Variants in SI observed in about 807,000 individuals in gnomAD.
SI encodes sucrase-isomaltase, intestinal.
In SI, 235 loss-of-function variants were observed where a neutral mutation model predicts 253.3. The observed-to-expected ratio is 0.93, with a 90% CI of 0.83 to 1.03. The LOEUF is 1.03. Among genes scored for constraint, SI ranks in the 50% least tolerant of loss-of-function variants. The pLI is 0.00. For synonymous variants in SI, 819 were observed against 712.0 expected, an observed-to-expected ratio of 1.15 and a Z score of -2.39; for missense variants, 2,442 against 2,211.1, an observed-to-expected ratio of 1.10 and a Z score of -2.09.
In SI at chr3:165,064,376, C is replaced by T. The variant is rs536584812; in HGVS notation, c.808-835G>A. Reference sequence around the variant, plus strand: ...AGCTCTGACAGTCTCACTCTGGTGTCGATTATAGATAGTGATGCTGCAAAC... The same window carrying T: ...AGCTCTGACAGTCTCACTCTGGTGTTGATTATAGATAGTGATGCTGCAAAC... On this transcript the variant is annotated intron_variant, in intron 7 of 47. Transcript: ENST00000264382. Among the ~76,000 whole-genome samples, 4 of 151,930 alleles carry T rather than the reference C, an allele frequency of 2.6e-5. No individual in the cohort carries two copies. In the East Asian group the frequency reaches 7.8e-4, roughly 30 times the overall value.
chr3:165,053,911 C>T (rs1320850685), intron 13 of SI, among the ~76,000 whole-genome samples: 1 of 151,786 alleles, frequency 6.6e-6, no homozygotes, highest in Non-Finnish European at 1.5e-5. Context: ...TTTATTTCTA[C>T]CAATTGCTAG....
chr3:165,032,396 A>G, intron 24 of SI, 126 bp downstream of exon 24: 1 of 599,604 alleles, frequency 1.7e-6, no homozygotes, highest in Non-Finnish European at 2.9e-6. Flanking sequence ...GAAGGGAAGA[A>G]GGAAGCAACG....
chr3:165,023,263 T>A (rs1019439096), intron 26 of SI, among the ~76,000 whole-genome samples: 1 of 151,594 alleles, frequency 6.6e-6, no homozygotes, highest in East Asian at 1.9e-4. Context: ...ACAGTAGGCA[T>A]CCAATTTTGT....
chr3:165,079,609 T>G (rs938971628), upstream of SI, among the ~76,000 whole-genome samples: 1 of 151,586 alleles, frequency 6.6e-6, no homozygotes, highest in African/African-American at 2.4e-5. Context: ...AACTTTTGAG[T>G]GATTTACTCT....
intron 7 of SI, 26 bp from the exon 8 acceptor site, chr3:165,063,567 G>GT: frequency 1.3e-5 from 13 of 997,340 alleles, no homozygotes; most frequent in Middle Eastern, 2.1e-4. Context: ...TTGAAAATAC[G>GT]ATTTTCAAAT....
rs758259365 is a variant in SI at position 165,063,496 on chromosome 3, C to A, written c.853G>T (p.Glu285Ter). ...YGHQTFFMCI[E>*]DTSGKSFGVF... ...CCGAATGACTTTCCAGATGTATCTT[C>A]AATACACATAAAGAATGTTTGATGG... Residue 285 changes from glutamate (E) to a stop codon, truncating the protein, a stop_gained, in exon 8 of 48, where the codon GAA becomes TAA. Transcript: ENST00000264382. LOFTEE classifies it high-confidence loss of function. 8 of 1,565,266 alleles carry A rather than the reference C, an allele frequency of 5.1e-6. No homozygotes were observed. Among genetic ancestry groups the A allele is most frequent in the Middle Eastern group, 3.4e-4 (2 of 5,936 alleles).
At chr3:165,044,308 A>G (rs529865267) in intron 16 of SI, among the ~76,000 whole-genome samples, 4 of 152,124 alleles carry the variant, frequency 2.6e-5, no homozygotes, top group African/African-American at 7.2e-5. Flanking sequence ...TGGTGTACAT[A>G]CATAGGATTA....
rs148146744 is a variant in SI at position 165,052,059 on chromosome 3, A to G, written c.1513-2184T>C. Among the ~76,000 whole-genome samples, 16 of 152,142 alleles carry G rather than the reference A, an allele frequency of 1.1e-4. No individual in the cohort carries two copies. The East Asian group carries it at 2.9e-3, about 28-fold the overall frequency. On this transcript the variant is annotated intron_variant, in intron 13 of 47. Transcript: ENST00000264382. ...TATTTTACATAATACATGACATTTA[A>G]TATTTTAGTAACCTTCCTTAAATAT...
intron 25 of SI, among the ~76,000 whole-genome samples, chr3:165,027,689 A>C (rs2108196487): frequency 6.6e-6 from 1 of 151,630 alleles, no homozygotes; most frequent in East Asian, 1.9e-4. Flanking sequence ...ACACCACATA[A>C]ACAGAATTAA....
intron 25 of SI, among the ~76,000 whole-genome samples, chr3:165,026,106 G>T (rs189871107): frequency 6.6e-6 from 1 of 150,916 alleles, no homozygotes; most frequent in Non-Finnish European, 1.5e-5. Context: ...AACACATAAG[G>T]ACTCACACAA....
rs1403113031 is a variant in SI, at chr3:165,046,845, G to A, written c.1883C>T (p.Pro628Leu). Residue 628 changes from proline (P) to leucine (L), a missense_variant, in exon 16 of 48, where the codon CCT becomes CTT. Pro to Leu is a moderately conservative substitution (Grantham distance 98). Coordinates refer to ENST00000264382, the MANE Select transcript of SI (RefSeq NM_001041.4). ...CACTCTATGAAACTGTCTTACCAAA[G>A]GTATTCCAAACAAACTGAACTCCAG... Reference protein sequence around the residue: ...GMLEFSLFGIPLVGADICGFV... With the variant: ...GMLEFSLFGILLVGADICGFV... The A allele has an allele frequency of 1.2e-6, 2 of 1,611,450 alleles. No homozygotes were observed. Among genetic ancestry groups the A allele is most frequent in the Non-Finnish European group, 1.7e-6 (2 of 1,178,062 alleles).
chr3:165,082,861 G>A (rs1440734689), upstream of SI, among the ~76,000 whole-genome samples: 2 of 151,984 alleles, frequency 1.3e-5, no homozygotes, highest in Non-Finnish European at 2.9e-5. Flanking sequence ...GGGTCTCTTA[G>A]TAACAGGAAG....
intron 33 of SI, among the ~76,000 whole-genome samples, chr3:165,014,466 G>A (rs922696840): frequency 3.3e-5 from 5 of 152,018 alleles, no homozygotes; most frequent in African/African-American, 1.2e-4. Context: ...AGCCAGGATG[G>A]TCTCGATCTC....
At chr3:165,063,608 T>TA in intron 7 of SI, 67 bp from the exon 8 acceptor site, 1 of 725,392 alleles carries the variant, frequency 1.4e-6, no homozygotes, top group Non-Finnish European at 2.4e-6. Context: ...TTATATATTT[T>TA]ATATGCTCTT....
At chr3:164,997,981 G>A (rs1334250408) in intron 38 of SI, among the ~76,000 whole-genome samples, 1 of 151,602 alleles carries the variant, frequency 6.6e-6, no homozygotes, top group African/African-American at 2.4e-5. Flanking sequence ...GAATAGTGTT[G>A]TAATGAACCT....
Position 165,049,119 on chromosome 3 carries a change from G to T in SI, c.1715+8C>A, listed in dbSNP as rs373673328. 18 of 1,381,366 alleles carry T rather than the reference G, an allele frequency of 1.3e-5. No homozygotes were observed. Among genetic ancestry groups the T allele is most frequent in the Non-Finnish European group, 3.1e-6 (3 of 967,928 alleles). 85.6% of individuals were successfully genotyped at this position (1,381,366 alleles called of 1,614,324 possible). ...ATGAAAGAAGTCTTTGAATGAAATT[G>T]CACTTACTGCTCTGTGGCTATAGCC... On this transcript the variant is annotated splice_region_variant and intron_variant, in intron 15 of 47. Transcript: ENST00000264382.
At chr3:164,992,503 T>C in intron 41 of SI, 106 bp from the exon 42 acceptor site, 1 of 781,154 alleles carries the variant, frequency 1.3e-6, no homozygotes, top group Non-Finnish European at 2.1e-6. Flanking sequence ...TTTTGTGGAT[T>C]AAAATAAAAA....
chr3:165,032,189 T>C (rs908384691), intron 24 of SI, among the ~76,000 whole-genome samples: 1 of 151,280 alleles, frequency 6.6e-6, no homozygotes, highest in Non-Finnish European at 1.5e-5. Context: ...GATTTTCTTT[T>C]GCGTGCAATA....
intron 32 of SI, 73 bp downstream of exon 32, chr3:165,015,879 C>T (rs199670392): frequency 3.1e-4 from 400 of 1,289,952 alleles, no homozygotes; most frequent in Non-Finnish European, 3.6e-4. Flanking sequence ...GAAACATCTT[C>T]CCCCCCACCT....
Sources: gnomAD v4.1 joint callset for allele counts (sites outside exome capture counted in the v4.1 genomes callset) on GRCh38, gnomAD v4.1.1 for gene constraint, MANE v1.5 for transcripts, NCBI Gene and HGNC (gene_info 2026-07-23, HGNC 2026-07-21) for gene names.